Variants in ANKRD30B observed in about 807,000 individuals in gnomAD.
ANKRD30B encodes the protein ankyrin repeat domain 30B.
A neutral mutation model predicts 202.2 loss-of-function variants in ANKRD30B; 144 were observed. The observed-to-expected ratio is 0.71, with a 90% CI of 0.62 to 0.82. ANKRD30B has a LOEUF of 0.82. Ranked by LOEUF, ANKRD30B falls within the 40% of genes least tolerant of loss-of-function variation. ANKRD30B has a pLI of 0.00. For synonymous variants in ANKRD30B, 508 were observed against 561.3 expected, an observed-to-expected ratio of 0.91 and a Z score of 1.34; for missense variants, 1,487 against 1,669.1, an observed-to-expected ratio of 0.89 and a Z score of 1.90.
chr18:14,808,203 G>A (rs1315581031), intron 24 of ANKRD30B, among the ~76,000 whole-genome samples: 1 of 149,906 alleles, frequency 6.7e-6, no homozygotes, highest in African/African-American at 2.5e-5. Flanking sequence ...TTTTTGGCGG[G>A]GGGTCATGAC....
At chr18:14,880,062 G>A in the ANKRD30B span, among the ~76,000 whole-genome samples, 1 of 151,998 alleles carries the variant, frequency 6.6e-6, no homozygotes, top group Non-Finnish European at 1.5e-5. Context: ...TTTGTATAAG[G>A]TGAGAGATGA....
At chr18:14,939,701 G>A in the ANKRD30B span, among the ~76,000 whole-genome samples, 1 of 152,318 alleles carries the variant, frequency 6.6e-6, no homozygotes, top group African/African-American at 2.4e-5. Context: ...ATTCCACTGG[G>A]AAGCAGCTGT....
intron 30 of ANKRD30B, among the ~76,000 whole-genome samples, chr18:14,821,306 A>C (rs1466096804): frequency 2.0e-5 from 3 of 152,014 alleles, no homozygotes; most frequent in Non-Finnish European, 2.9e-5. Context: ...GATCCTTTCA[A>C]AAAACCAGCT....
intron 16 of ANKRD30B, 102 bp downstream of exon 16, chr18:14,791,593 GC>G (rs1968513221): frequency 1.2e-6 from 1 of 860,384 alleles, no homozygotes; most frequent in East Asian, 2.7e-5. Flanking sequence ...CCTCCTTAAT[GC>G]AAAGCACAGA....
chr18:14,900,117 C>T, the ANKRD30B span, among the ~76,000 whole-genome samples: 5 of 152,084 alleles, frequency 3.3e-5, no homozygotes, highest in East Asian at 7.7e-4. Flanking sequence ...AAATTAATCC[C>T]CCAAGTACCT....
At chr18:14,754,738 C>T (rs1306341827) in intron 3 of ANKRD30B, among the ~76,000 whole-genome samples, 161 bp from the exon 4 acceptor site, 1 of 152,028 alleles carries the variant, frequency 6.6e-6, no homozygotes, top group African/African-American at 2.4e-5. Context: ...AGGTGCAGTG[C>T]ATGGGAAAGC....
the ANKRD30B span, among the ~76,000 whole-genome samples, chr18:14,889,056 T>C: frequency 6.6e-6 from 1 of 151,552 alleles, no homozygotes; most frequent in Non-Finnish European, 1.5e-5. Context: ...TTGTTAGCTA[T>C]ACTTATGTAG....
At chr18:14,922,353 A>G in the ANKRD30B span, among the ~76,000 whole-genome samples, 5 of 152,108 alleles carry the variant, frequency 3.3e-5, no homozygotes, top group Admixed American at 2.6e-4. Flanking sequence ...GGCACTACAT[A>G]AACTTGAAAG....
intron 20 of ANKRD30B, 146 bp from the exon 21 acceptor site, chr18:14,798,955 A>G (rs1394099753): frequency 2.2e-6 from 2 of 889,052 alleles, no homozygotes; most frequent in South Asian, 1.3e-5. Context: ...AACAAATACA[A>G]TAACCCAAAA....
chr18:14,790,034 C>T (rs1431158974), intron 15 of ANKRD30B, among the ~76,000 whole-genome samples: 1 of 152,072 alleles, frequency 6.6e-6, no homozygotes, highest in Non-Finnish European at 1.5e-5. Flanking sequence ...ATGGAATGTT[C>T]TTCCATTTGT....
chr18:14,769,200 C>T (rs1916713300), intron 7 of ANKRD30B, 143 bp from the exon 8 acceptor site: 3 of 553,964 alleles, frequency 5.4e-6, no homozygotes, highest in Non-Finnish European at 6.3e-6. Context: ...GACTCCTGGG[C>T]TCCTCAGGCG....
the ANKRD30B span, among the ~76,000 whole-genome samples, chr18:14,928,692 C>T: frequency 6.6e-6 from 1 of 152,222 alleles, no homozygotes; most frequent in Non-Finnish European, 1.5e-5. Context: ...ACTTTTCAGT[C>T]TCTATAATCC....
At position 14,807,795 on chromosome 18, in the gene ANKRD30B, G is replaced by A. The variant is rs181358876; in HGVS notation, c.2285-756G>A. Among the ~76,000 whole-genome samples, 62 of 151,048 alleles carry A rather than the reference G, an allele frequency of 4.1e-4. 3 individuals carry two copies. Among genetic ancestry groups the A allele is most frequent in the African/African-American group, 1.4e-3 (56 of 40,934 alleles). On this transcript the variant is annotated intron_variant, in intron 24 of 43. Transcript: ENST00000690538. ...GATCCACCCTCTTCGGGTTTCCAAG[G>A]TTCTGGAGATACAGGCATGAGCCAC...
At chr18:14,762,271 A>T (rs982448554) in intron 6 of ANKRD30B, among the ~76,000 whole-genome samples, 1 of 152,196 alleles carries the variant, frequency 6.6e-6, no homozygotes, top group Admixed American at 6.5e-5. Context: ...TCAAGGATCA[A>T]CTGTGTGACA....
At chr18:14,869,025 G>A in the ANKRD30B span, among the ~76,000 whole-genome samples, 1 of 152,218 alleles carries the variant, frequency 6.6e-6, no homozygotes, top group Non-Finnish European at 1.5e-5. Flanking sequence ...ACCCTAGTGG[G>A]GGAAAAGGGA....
the ANKRD30B span, among the ~76,000 whole-genome samples, chr18:14,899,031 A>G: frequency 6.6e-6 from 1 of 152,194 alleles, no homozygotes; most frequent in Non-Finnish European, 1.5e-5. Context: ...TATAGACCAT[A>G]AACGTATTTT....
intron 5 of ANKRD30B, among the ~76,000 whole-genome samples, chr18:14,758,443 C>T (rs1387489965): frequency 2.0e-5 from 3 of 152,160 alleles, no homozygotes; most frequent in Admixed American, 6.6e-5. Flanking sequence ...ATTGAAACTG[C>T]CCCTGCAGTC....
At chr18:14,846,677 A>C (rs1230425846) in intron 39 of ANKRD30B, among the ~76,000 whole-genome samples, 7 of 152,046 alleles carry the variant, frequency 4.6e-5, no homozygotes, top group Non-Finnish European at 8.8e-5. Flanking sequence ...CTATAAAATC[A>C]CCTTGTTTAT....
intron 9 of ANKRD30B, among the ~76,000 whole-genome samples, chr18:14,774,025 T>C (rs1223899132): frequency 6.6e-6 from 1 of 152,192 alleles, no homozygotes; most frequent in Non-Finnish European, 1.5e-5. Context: ...CAGTACTTTC[T>C]TCAGGTGAAA....
Sources: gnomAD v4.1 joint callset for allele counts (sites outside exome capture counted in the v4.1 genomes callset) on GRCh38, gnomAD v4.1.1 for gene constraint, MANE v1.5 for transcripts, NCBI Gene and HGNC (gene_info 2026-07-23, HGNC 2026-07-21) for gene names.